The following RHPN2 variants were observed in gnomAD, a reference collection of about 807,000 sequenced individuals.
RHPN2 encodes the protein rhophilin-2.
A neutral mutation model predicts 79.0 loss-of-function variants in RHPN2; 40 were observed. The ratio of observed to expected loss-of-function variants is 0.51; its 90% confidence interval spans 0.39 to 0.66. The LOEUF (loss-of-function observed/expected upper bound fraction) is 0.66. RHPN2 is among the 30% of genes least tolerant of loss of function. RHPN2 has a pLI of 0.00. For missense variants in RHPN2, 686 were observed against 883.5 expected (o/e 0.78, Z 2.83); for synonymous variants, 285 against 363.5 (o/e 0.78, Z 2.46).
At chr19:33,056,953 CAA>C (rs754855820) in intron 1 of RHPN2, among the ~76,000 whole-genome samples, 13 of 114,386 alleles carry the variant, frequency 1.1e-4, no homozygotes, top group Non-Finnish European at 1.6e-4. Context: ...AATAAAAATA[CAA>C]AAAAAAAAAA....
intron 4 of RHPN2, among the ~76,000 whole-genome samples, chr19:33,018,875 A>G (rs1415340788): frequency 6.6e-6 from 1 of 151,340 alleles, no homozygotes; most frequent in African/African-American, 2.4e-5. Context: ...TCTACTAAAA[A>G]TACAAATTAG....
chr19:33,028,156 C>CTTT (rs36036417), intron 2 of RHPN2, among the ~76,000 whole-genome samples: 24 of 142,080 alleles, frequency 1.7e-4, no homozygotes, highest in African/African-American at 2.6e-4. Flanking sequence ...AAAATCAATT[C>CTTT]TTTTTTTTTT....
At chr19:33,025,525 T>C (rs915842882) in intron 3 of RHPN2, among the ~76,000 whole-genome samples, 1 of 151,968 alleles carries the variant, frequency 6.6e-6, no homozygotes, top group Non-Finnish European at 1.5e-5. Flanking sequence ...GACTGGTGTG[T>C]TACTTTAATT....
intron 14 of RHPN2, among the ~76,000 whole-genome samples, chr19:32,985,604 G>A (rs1047424158): frequency 5.3e-5 from 8 of 152,060 alleles, no homozygotes; most frequent in African/African-American, 9.7e-5. Context: ...CCAGGGCAAC[G>A]AGAGCGAGAC....
At chr19:33,009,666 A>G (rs1206837513) in intron 6 of RHPN2, among the ~76,000 whole-genome samples, 1 of 151,980 alleles carries the variant, frequency 6.6e-6, no homozygotes, top group Non-Finnish European at 1.5e-5. Context: ...TGTTGCCTAG[A>G]CTGGTCTCAA....
intron 2 of RHPN2, among the ~76,000 whole-genome samples, chr19:33,033,184 G>A (rs1011373421): frequency 1.3e-5 from 2 of 152,102 alleles, no homozygotes; most frequent in African/African-American, 4.8e-5. Flanking sequence ...TTTAGTTCAT[G>A]GAAGAACAAA....
Position 33,008,024 on chromosome 19 carries a change from C to T in RHPN2, c.750G>A (p.Gln250=). The change falls in exon 7 of 15, where the codon CAG becomes CAA. Residue 250 remains glutamine, a synonymous_variant. Transcript: ENST00000254260. ...CTGGAGGAGACATACCTGCGGCTCT[C>T]TGAAAGGCATCTATGGCACTCTCCA... ...AGLESAIDAF[Q]RAAGVLNYLK... is the part of the protein sequence containing the mutation. 1 of 1,612,322 alleles carries T rather than the reference C, an allele frequency of 6.2e-7. No homozygotes were observed. Among genetic ancestry groups the T allele is most frequent in the Non-Finnish European group, 8.5e-7 (1 of 1,179,952 alleles).
intron 4 of RHPN2, among the ~76,000 whole-genome samples, chr19:33,018,616 C>T (rs902060456): frequency 6.6e-6 from 1 of 152,168 alleles, no homozygotes; most frequent in African/African-American, 2.4e-5. Flanking sequence ...TTCCCTTCTC[C>T]AATTCCAAAA....
intron 2 of RHPN2, among the ~76,000 whole-genome samples, chr19:33,038,720 C>T (rs568827817): frequency 6.6e-5 from 10 of 152,142 alleles, no homozygotes; most frequent in African/African-American, 1.9e-4. Flanking sequence ...TGCAATGGCG[C>T]GATCTCGGCT....
intron 2 of RHPN2, among the ~76,000 whole-genome samples, chr19:33,038,882 T>C (rs1972078851): frequency 6.6e-6 from 1 of 152,150 alleles, no homozygotes; most frequent in South Asian, 2.1e-4. Context: ...GGCCTCAAAC[T>C]CCTGACCTCA....
rs1971810150 is a variant in RHPN2, at chr19:33,008,301, G to C, written c.594-121C>G. 3 of 978,880 alleles carry C rather than the reference G, an allele frequency of 3.1e-6. No homozygotes were observed. The Admixed American group carries it at 6.4e-5, about 21-fold the overall frequency. 60.6% of individuals were successfully genotyped at this position (978,880 alleles called of 1,614,324 possible). ...ATATCTCACTCTGTTGCCCAGGCTG[G>C]AGTGCAGTGGTGTGATCATAGCTTA... On this transcript the variant is annotated intron_variant, in intron 6 of 14. Coordinates refer to ENST00000254260, the MANE Select transcript of RHPN2 (RefSeq NM_033103.5).
intron 5 of RHPN2, 110 bp from the exon 6 acceptor site, chr19:33,011,913 T>C: frequency 1.5e-6 from 2 of 1,375,572 alleles, no homozygotes; most frequent in African/African-American, 1.4e-5. Flanking sequence ...ATTTCTGCAG[T>C]ATGATGACCT....
chr19:33,028,469 A>C (rs1032469694), intron 2 of RHPN2, among the ~76,000 whole-genome samples: 1 of 152,178 alleles, frequency 6.6e-6, no homozygotes, highest in Non-Finnish European at 1.5e-5. Flanking sequence ...TTCTATTTCT[A>C]TATACTAGCA....
intron 1 of RHPN2, among the ~76,000 whole-genome samples, chr19:33,062,782 A>C (rs960599808): frequency 2.9e-5 from 4 of 138,630 alleles, no homozygotes; most frequent in African/African-American, 1.2e-4. Context: ...TAATAATAAT[A>C]ATAATAATAA....
chr19:33,000,446 C>T (rs1003306021), intron 9 of RHPN2, among the ~76,000 whole-genome samples: 3 of 151,994 alleles, frequency 2.0e-5, no homozygotes, highest in Non-Finnish European at 4.4e-5. Context: ...GTCCTGACCT[C>T]GTGATCCACA....
intron 14 of RHPN2, among the ~76,000 whole-genome samples, chr19:32,988,091 C>T (rs556246421): frequency 1.7e-4 from 26 of 151,960 alleles, no homozygotes; most frequent in African/African-American, 5.1e-4. Context: ...TCCAGCTACT[C>T]GGGAGGCTGA....
At chr19:33,036,352 GA>G (rs1972055698) in intron 2 of RHPN2, among the ~76,000 whole-genome samples, 1 of 152,014 alleles carries the variant, frequency 6.6e-6, no homozygotes, top group Non-Finnish European at 1.5e-5. Flanking sequence ...ATTTGAAAAT[GA>G]AAATTAGCTG....
intron 2 of RHPN2, among the ~76,000 whole-genome samples, chr19:33,030,808 T>C (rs1233085285): frequency 6.6e-6 from 1 of 152,114 alleles, no homozygotes; most frequent in Non-Finnish European, 1.5e-5. Flanking sequence ...TATCCAACAA[T>C]TCAATTCGAT....
At chr19:33,035,107 C>T (rs1972046251) in intron 2 of RHPN2, among the ~76,000 whole-genome samples, 1 of 152,000 alleles carries the variant, frequency 6.6e-6, no homozygotes. Context: ...GCTGGAGTTA[C>T]AGTGTGTGCC....
Sources: gnomAD v4.1 joint callset for allele counts (sites outside exome capture counted in the v4.1 genomes callset) on GRCh38, gnomAD v4.1.1 for gene constraint, MANE v1.5 for transcripts, NCBI Gene and HGNC (gene_info 2026-07-23, HGNC 2026-07-21) for gene names.